PGD: variants seen among roughly 807,000 people sequenced by gnomAD.
PGD encodes phosphogluconate dehydrogenase.
Under a neutral mutation model 60.4 loss-of-function variants are expected in PGD, and 21 were observed. That is an observed-to-expected ratio of 0.35 (90% CI 0.25 to 0.50). The LOEUF (loss-of-function observed/expected upper bound fraction) is 0.50. PGD is among the 20% of genes least tolerant of loss of function. PGD has a pLI of 0.98. For synonymous variants in PGD, 230 were observed against 235.9 expected (o/e 0.97, Z 0.23); for missense variants, 477 against 613.1 (o/e 0.78, Z 2.34).
At chr1:10,411,203 T>C (rs1302935120) in intron 6 of PGD, among the ~76,000 whole-genome samples, 1 of 152,032 alleles carries the variant, frequency 6.6e-6, no homozygotes, top group Non-Finnish European at 1.5e-5. Context: ...GAAGAATGAG[T>C]CTAGAATTAG....
chr1:10,410,523 GGAGA>G (rs922767345), intron 6 of PGD, among the ~76,000 whole-genome samples: 5 of 152,072 alleles, frequency 3.3e-5, no homozygotes, highest in African/African-American at 1.2e-4. Context: ...GTGACAGCCA[GGAGA>G]GAGACTGCCC....
At chr1:10,415,593 C>G (rs1430493576) in intron 8 of PGD, among the ~76,000 whole-genome samples, 1 of 152,190 alleles carries the variant, frequency 6.6e-6, no homozygotes, top group Non-Finnish European at 1.5e-5. Flanking sequence ...AAGCTTCCTT[C>G]TAGAAATGCT....
At chr1:10,416,697 C>G (rs1639600744) in intron 8 of PGD, among the ~76,000 whole-genome samples, 1 of 152,110 alleles carries the variant, frequency 6.6e-6, no homozygotes, top group Non-Finnish European at 1.5e-5. Context: ...GGGGGTTTTT[C>G]TCTTACGGGC....
At chr1:10,399,479 GCGTGC>G (rs1639273115) in intron 1 of PGD, 145 bp from the exon 2 acceptor site, 5 of 701,774 alleles carry the variant, frequency 7.1e-6, no homozygotes, top group Non-Finnish European at 1.2e-5. Context: ...AGGCTCTGCA[GCGTGC>G]GCGCCCGGCT....
At chr1:10,411,118 T>C (rs1420748468) in intron 6 of PGD, among the ~76,000 whole-genome samples, 2 of 152,050 alleles carry the variant, frequency 1.3e-5, no homozygotes, top group Non-Finnish European at 2.9e-5. Context: ...CTTTGAATGA[T>C]GAGAAAGAGT....
intron 5 of PGD, among the ~76,000 whole-genome samples, chr1:10,404,688 C>T (rs1219363638): frequency 6.6e-6 from 1 of 152,082 alleles, no homozygotes; most frequent in African/African-American, 2.4e-5. Flanking sequence ...TTAGTAGAGA[C>T]AGGGTTTCAC....
At position 10,419,825 on chromosome 1, in the gene PGD, C is replaced by G; in HGVS notation, c.*76C>G. 2.0e-6 allele frequency: 3 copies of G among 1,538,172 alleles called. No homozygotes were observed. The South Asian group carries it at 3.4e-5, about 18-fold the overall frequency. ...GTGCCTCATGGCACTGCCACCTGGC[C>G]CTTTGCCCTATTTTCTGTTCAGTTT... On this transcript the variant is annotated 3_prime_UTR_variant, in exon 13 of 13. Coordinates refer to ENST00000270776, the MANE Select transcript of PGD (RefSeq NM_002631.4).
intron 2 of PGD, 100 bp from the exon 3 acceptor site, chr1:10,400,293 C>T (rs750267940): frequency 8.2e-5 from 74 of 904,184 alleles, no homozygotes; most frequent in Non-Finnish European, 7.5e-5. Flanking sequence ...GTCTGACCTC[C>T]CCAGAACTTG....
At position 10,411,415 on chromosome 1, in the gene PGD, CAGGT is replaced by C. The variant is rs1553174346; in HGVS notation, c.520-2_521del. 6.2e-7 allele frequency: 1 copy of C among 1,612,824 alleles called. No homozygotes were observed. The highest frequency in any genetic ancestry group is 1.3e-5 in the African/African-American group (1 of 74,964). On this transcript the variant is annotated splice_acceptor_variant and coding_sequence_variant, in exon 7 of 13. Coordinates refer to ENST00000270776, the MANE Select transcript of PGD (RefSeq NM_002631.4). LOFTEE classifies it high-confidence loss of function. ...GGCCTCTTGGTGCTTGTTGTCCTGA[CAGGT>C]GGGAGATGAGGGAGCAGGCCACTTC... is the stretch of plus-strand genomic sequence containing the variant.
intron 3 of PGD, among the ~76,000 whole-genome samples, chr1:10,402,009 C>T (rs1032660717): frequency 2.0e-5 from 3 of 151,594 alleles, no homozygotes; most frequent in Non-Finnish European, 2.9e-5. Flanking sequence ...TGCGAGACTC[C>T]GTCTCAAATA....
At chr1:10,413,671 C>T (rs893723206) in intron 8 of PGD, among the ~76,000 whole-genome samples, 3 of 151,942 alleles carry the variant, frequency 2.0e-5, no homozygotes, top group African/African-American at 4.8e-5. Context: ...TTTGGGAGGC[C>T]GAGGCGGGTG....
intron 5 of PGD, among the ~76,000 whole-genome samples, chr1:10,405,859 T>G (rs902641315): frequency 6.6e-6 from 1 of 152,010 alleles, no homozygotes; most frequent in African/African-American, 2.4e-5. Flanking sequence ...AAATGATTCT[T>G]TTTTTGAGAC....
intron 6 of PGD, among the ~76,000 whole-genome samples, chr1:10,410,331 C>T (rs1303134844): frequency 6.6e-6 from 1 of 151,880 alleles, no homozygotes; most frequent in Non-Finnish European, 1.5e-5. Flanking sequence ...AATCCCAGCT[C>T]ATCAGGAGGC....
chr1:10,415,843 C>A (rs1639585617), intron 8 of PGD, among the ~76,000 whole-genome samples: 1 of 152,136 alleles, frequency 6.6e-6, no homozygotes. Context: ...TCTGAAAATA[C>A]TAAATGTCTT....
At position 10,417,312 on chromosome 1, in the gene PGD, T is replaced by C. The variant is rs771849315; in HGVS notation, c.976-64T>C. 3 of 1,528,144 alleles carry C rather than the reference T, an allele frequency of 2.0e-6. No individual in the cohort carries two copies. The Admixed American group carries it at 5.6e-5, about 29-fold the overall frequency. 94.7% of individuals were successfully genotyped at this position (1,528,144 alleles called of 1,614,324 possible). ...TCTCCACTGCTGATGAGAATAAGAC[T>C]GGTAGACATAAGGCGGTCACTCTCC... On this transcript the variant is annotated intron_variant, in intron 9 of 12. Coordinates refer to ENST00000270776, the MANE Select transcript of PGD (RefSeq NM_002631.4).
At chr1:10,417,537 C>T (rs199785393) in intron 10 of PGD, 28 bp downstream of exon 10, 358 of 1,590,300 alleles carry the variant, frequency 2.3e-4, no homozygotes, top group Non-Finnish European at 2.9e-4. Context: ...CAGGGTCCGA[C>T]GGGAAGGACT....
chr1:10,413,012 G>C (rs758809073), intron 7 of PGD, 50 bp from the exon 8 acceptor site: 2 of 1,514,984 alleles, frequency 1.3e-6, no homozygotes, highest in Non-Finnish European at 1.8e-6. Flanking sequence ...GGGCTTCCTT[G>C]CTCAGCCCTC....
chr1:10,416,067 A>C (rs1264338011), intron 8 of PGD, among the ~76,000 whole-genome samples: 1 of 152,132 alleles, frequency 6.6e-6, no homozygotes, highest in Admixed American at 6.5e-5. Flanking sequence ...ACCAACACTG[A>C]GTATTCTACA....
intron 10 of PGD, among the ~76,000 whole-genome samples, chr1:10,417,830 G>A (rs955267764): frequency 2.0e-5 from 3 of 151,896 alleles, no homozygotes; most frequent in African/African-American, 4.8e-5. Context: ...CTGCCTCAGC[G>A]TCCTAAGTAA....
Sources: gnomAD v4.1 joint callset for allele counts (sites outside exome capture counted in the v4.1 genomes callset) on GRCh38, gnomAD v4.1.1 for gene constraint, MANE v1.5 for transcripts, NCBI Gene and HGNC (gene_info 2026-07-23, HGNC 2026-07-21) for gene names.